CDHR2: variants seen among roughly 807,000 people sequenced by gnomAD.
CDHR2 encodes the protein cadherin-related family member 2.
In CDHR2, 104 loss-of-function variants were observed where a neutral mutation model predicts 138.6. The observed-to-expected ratio is 0.75, with a 90% CI of 0.64 to 0.88. The LOEUF (loss-of-function observed/expected upper bound fraction) is 0.88, where lower values mean the gene tolerates loss of function less well. Ranked by LOEUF, CDHR2 falls within the 40% of genes least tolerant of loss-of-function variation. The pLI is 0.00. For synonymous variants in CDHR2, 755 were observed against 742.8 expected, an observed-to-expected ratio of 1.02 and a Z score of -0.27; for missense variants, 1,624 against 1,727.6, an observed-to-expected ratio of 0.94 and a Z score of 1.06.
At chr5:176,551,626 A>T (rs1176709740) in intron 1 of CDHR2, among the ~76,000 whole-genome samples, 2 of 150,280 alleles carry the variant, frequency 1.3e-5, no homozygotes, top group African/African-American at 4.9e-5. Context: ...AAAGTGCTGG[A>T]CTGTGTTTGC....
chr5:176,563,469 T>C (rs180956743), intron 1 of CDHR2, among the ~76,000 whole-genome samples: 1 of 152,174 alleles, frequency 6.6e-6, no homozygotes, highest in East Asian at 1.9e-4. Flanking sequence ...GGCCAGTGCT[T>C]ATTTAGCTGC....
At chr5:176,574,939 CT>C in intron 7 of CDHR2, 144 bp from the exon 8 acceptor site, 1 of 903,036 alleles carries the variant, frequency 1.1e-6, no homozygotes, top group Non-Finnish European at 1.7e-6. Context: ...GAGCTGGAAA[CT>C]GAGGCTCAGA....
In CDHR2 at chr5:176,557,683, T is replaced by TC. The variant is rs1561866709; in HGVS notation, c.-15-7655_-15-7654insC. Among the ~76,000 whole-genome samples the TC allele has an allele frequency of 4.7e-3, 208 of 43,928 alleles. 4 individuals are homozygous for TC. Among genetic ancestry groups the TC allele is most frequent in the African/African-American group, 9.0e-3 (203 of 22,594 alleles). The allele number at this position is 43,928 out of a possible 152,430, so 28.8% of individuals were successfully genotyped here. A position where few individuals can be genotyped will look rare whatever the true frequency, so the allele number is the denominator to read the frequency against. On this transcript the variant is annotated intron_variant, in intron 1 of 31. Transcript: ENST00000261944. ...TGGGCTAAGTCATTATCTGTTGATT[T>TC]TTTTTTCTTTCTTTCTTTCTTTCTT...
At chr5:176,556,525 T>C (rs908844120) in intron 1 of CDHR2, among the ~76,000 whole-genome samples, 7 of 151,998 alleles carry the variant, frequency 4.6e-5, no homozygotes, top group South Asian at 2.1e-4. Flanking sequence ...ATTAGCCGGG[T>C]GTGGTGGCAG....
rs111208166 is a variant in CDHR2 at position 176,591,695 on chromosome 5, G to A, written c.3734+211G>A. 3.9e-4 allele frequency: 219 copies of A among 568,702 alleles called. 1 individual carries two copies. The African/African-American group carries it at 4.3e-3, about 11-fold the overall frequency. 35.2% of individuals were successfully genotyped at this position (568,702 alleles called of 1,614,324 possible). On this transcript the variant is annotated intron_variant, in intron 30 of 31. Coordinates refer to ENST00000261944, the MANE Select transcript of CDHR2 (RefSeq NM_017675.6). The stretch of plus-strand genomic sequence containing the variant: ...AGTGGTGATGATGACAACAATGATG[G>A]TGGTGATGATGGTGTTGGTGTTGAG...
chr5:176,592,532 G>GGTA (rs1758911573), intron 30 of CDHR2, among the ~76,000 whole-genome samples, 191 bp from the exon 31 acceptor site: 1 of 149,656 alleles, frequency 6.7e-6, no homozygotes, highest in Non-Finnish European at 1.5e-5. Context: ...TGGTGGTGGT[G>GGTA]TTGGTGTTGA....
At chr5:176,570,134 ATTGTCTT>A (rs1449422483) in intron 5 of CDHR2, among the ~76,000 whole-genome samples, 2 of 151,918 alleles carry the variant, frequency 1.3e-5, no homozygotes, top group African/African-American at 2.4e-5. Context: ...AGCTGTCTAT[ATTGTCTT>A]GAAAGCTGCC....
At chr5:176,550,456 G>C (rs1757679303) in intron 1 of CDHR2, among the ~76,000 whole-genome samples, 1 of 152,214 alleles carries the variant, frequency 6.6e-6, no homozygotes, top group African/African-American at 2.4e-5. Flanking sequence ...TGTGGGTGCA[G>C]GCACGGCCTC....
chr5:176,587,429 C>T (rs1364031727), intron 21 of CDHR2, among the ~76,000 whole-genome samples: 1 of 150,714 alleles, frequency 6.6e-6, no homozygotes, highest in African/African-American at 2.4e-5. Flanking sequence ...GCCTGGGCGA[C>T]AAGAGTGAAA....
chr5:176,571,310 C>T lies in CDHR2; in HGVS notation c.405+8C>T, dbSNP rs370512084. 1.9e-6 allele frequency: 3 copies of T among 1,599,968 alleles called. No homozygotes were observed. The highest frequency in any genetic ancestry group is 2.6e-6 in the Non-Finnish European group (3 of 1,172,520). On this transcript the variant is annotated splice_region_variant and intron_variant, in intron 6 of 31. Transcript: ENST00000261944. ...TCCACCAGCATCAACGAGGTGACAC[C>T]TGCCTTAATGTGGTTGTGGGGCAGG...
intron 21 of CDHR2, among the ~76,000 whole-genome samples, chr5:176,588,407 G>A (rs1581149135): frequency 1.3e-5 from 1 of 74,796 alleles, no homozygotes. Flanking sequence ...GTGCATGAGA[G>A]AGTGAGGGTG....
rs762836940 is a variant in CDHR2 at position 176,568,921 on chromosome 5, G to A, written c.265-39G>A. 9.3e-6 allele frequency: 15 copies of A among 1,612,756 alleles called. No individual in the cohort carries two copies. In the East Asian group the frequency reaches 1.6e-4, roughly 17 times the overall value. On this transcript the variant is annotated intron_variant, in intron 4 of 31. Transcript: ENST00000261944. ...GGCACCCCCTGTGCTCCCACCCAGC[G>A]GGGGCTCACCACCGGCCCCTTCTCT... is the stretch of plus-strand genomic sequence containing the variant.
intron 31 of CDHR2, among the ~76,000 whole-genome samples, chr5:176,593,548 G>GC (rs1758941351): frequency 6.6e-6 from 1 of 152,196 alleles, no homozygotes; most frequent in Non-Finnish European, 1.5e-5. Context: ...AGAAGGAACT[G>GC]CCCTCTCTCC....
chr5:176,594,744 G>C (rs140848609), intron 31 of CDHR2, among the ~76,000 whole-genome samples: 2 of 152,216 alleles, frequency 1.3e-5, no homozygotes, highest in South Asian at 2.1e-4. Flanking sequence ...AGCCCTTGGA[G>C]TGCCCTGGGG....
chr5:176,591,134 C>A, intron 28 of CDHR2, 76 bp from the exon 29 acceptor site: 1 of 985,248 alleles, frequency 1.0e-6, no homozygotes, highest in Non-Finnish European at 1.6e-6. Flanking sequence ...TCTTGTGAAG[C>A]CACAGGCTCA....
At chr5:176,574,223 T>C in intron 7 of CDHR2, 51 bp downstream of exon 7, 1 of 1,355,918 alleles carries the variant, frequency 7.4e-7, no homozygotes, top group Non-Finnish European at 1.1e-6. Context: ...GGGGGCAGCA[T>C]CTCCACAGAC....
At chr5:176,560,479 T>C (rs1425608536) in intron 1 of CDHR2, among the ~76,000 whole-genome samples, 1 of 152,034 alleles carries the variant, frequency 6.6e-6, no homozygotes, top group Non-Finnish European at 1.5e-5. Flanking sequence ...ATAGTCCTCA[T>C]CTCTTGCAGG....
chr5:176,572,336 C>T (rs1025545144), intron 6 of CDHR2, among the ~76,000 whole-genome samples: 10 of 151,406 alleles, frequency 6.6e-5, no homozygotes, highest in East Asian at 5.8e-4. Context: ...TGCAGTGAGC[C>T]GAGATTGCAC....
chr5:176,577,361 AG>A lies in CDHR2; in HGVS notation c.1195-33del, dbSNP rs1758408463. On this transcript the variant is annotated intron_variant, in intron 12 of 31. Coordinates refer to ENST00000261944, the MANE Select transcript of CDHR2 (RefSeq NM_017675.6). ...GGGGGAAGATGCAGGTGGGCAGAGC[AG>A]GGGGACAGGTCCCTGCTAGACAGCC... 4 of 1,582,780 alleles carry A rather than the reference AG, an allele frequency of 2.5e-6. No homozygotes were observed. In the Admixed American group the frequency reaches 5.5e-5, roughly 22 times the overall value.
Sources: allele counts gnomAD v4.1 joint callset (sites outside exome capture counted in the v4.1 genomes callset), GRCh38; gene constraint gnomAD v4.1.1; transcripts MANE v1.5; gene names NCBI Gene and HGNC (gene_info 2026-07-23, HGNC 2026-07-21).